The following PID1 variants were observed in gnomAD, a reference collection of about 807,000 sequenced individuals.
The protein encoded by PID1 is PTB-containing, cubilin and LRP1-interacting protein.
Under a neutral mutation model 19.1 loss-of-function variants are expected in PID1, and 10 were observed. That is an observed-to-expected ratio of 0.52 (90% CI 0.32 to 0.89). PID1 has a LOEUF of 0.89. PID1 is among the 40% of genes least tolerant of loss of function. The probability of loss-of-function intolerance (pLI) is 0.03; values close to 1 mark genes in which losing one functional copy is unlikely to be tolerated. For missense variants in PID1, 248 were observed against 285.3 expected, an observed-to-expected ratio of 0.87 and a Z score of 0.94; for synonymous variants, 130 against 116.0, an observed-to-expected ratio of 1.12 and a Z score of -0.78.
intron 1 of PID1, among the ~76,000 whole-genome samples, chr2:229,248,631 T>C (rs1690064193): frequency 6.6e-6 from 1 of 152,246 alleles, no homozygotes; most frequent in South Asian, 2.1e-4. Context: ...GGTGATTTTC[T>C]AACTCCATCA....
intron 2 of PID1, among the ~76,000 whole-genome samples, chr2:229,101,203 T>C (rs144274926): frequency 6.6e-6 from 1 of 152,172 alleles, no homozygotes; most frequent in East Asian, 1.9e-4. Context: ...TAGAGAGAAT[T>C]TTCATTTCCA....
chr2:229,128,362 A>G (rs570785627), intron 2 of PID1, among the ~76,000 whole-genome samples: 1 of 152,358 alleles, frequency 6.6e-6, no homozygotes, highest in Non-Finnish European at 1.5e-5. Context: ...TCTCCCTCCA[A>G]CTAGCTGTTG....
chr2:229,135,163 T>A (rs747062637), intron 2 of PID1, among the ~76,000 whole-genome samples: 2 of 150,418 alleles, frequency 1.3e-5, no homozygotes, highest in African/African-American at 4.9e-5. Flanking sequence ...AATCTAGAAA[T>A]GAACTTGACT....
chr2:229,136,156 G>A (rs891711985), intron 2 of PID1, among the ~76,000 whole-genome samples: 5 of 152,160 alleles, frequency 3.3e-5, no homozygotes, highest in Non-Finnish European at 5.9e-5. Flanking sequence ...GGCTTTTGTG[G>A]TAAGGAACTG....
chr2:229,115,994 G>A (rs1177860243), intron 2 of PID1, among the ~76,000 whole-genome samples: 2 of 152,058 alleles, frequency 1.3e-5, no homozygotes, highest in African/African-American at 4.8e-5. Flanking sequence ...GCCGAAGTGG[G>A]CAGATCACGA....
At chr2:229,094,257 G>A (rs1001384291) in intron 2 of PID1, among the ~76,000 whole-genome samples, 3 of 151,994 alleles carry the variant, frequency 2.0e-5, no homozygotes, top group Non-Finnish European at 4.4e-5. Flanking sequence ...ATCTCTAAGA[G>A]AATTACAAAA....
At chr2:229,202,362 T>C (rs572340637) in intron 1 of PID1, among the ~76,000 whole-genome samples, 4 of 152,218 alleles carry the variant, frequency 2.6e-5, no homozygotes, top group Non-Finnish European at 5.9e-5. Flanking sequence ...AGAATTTTTC[T>C]TGGAATTCAA....
intron 1 of PID1, among the ~76,000 whole-genome samples, chr2:229,224,705 A>G (rs992117562): frequency 9.2e-5 from 14 of 152,162 alleles, no homozygotes; most frequent in African/African-American, 1.4e-4. Context: ...CCACCAGAAT[A>G]TCTACATAAA....
intron 1 of PID1, among the ~76,000 whole-genome samples, chr2:229,204,895 T>A (rs1280821238): frequency 6.6e-6 from 1 of 152,156 alleles, no homozygotes; most frequent in Non-Finnish European, 1.5e-5. Context: ...CTAGGTCAGA[T>A]TTATGGTGTG....
chr2:229,256,492 T>C (rs1361834146), intron 1 of PID1, among the ~76,000 whole-genome samples: 2 of 152,198 alleles, frequency 1.3e-5, no homozygotes, highest in Admixed American at 6.5e-5. Flanking sequence ...GCTAAAGCTG[T>C]CTTCTTCCTT....
rs777061648 is a variant in PID1, at chr2:229,025,886, C to T, written c.400G>A (p.Ala134Thr). ...ACGTTGTGGTCGGCGGTGCAGTAGG[C>T]GATGCGGGCCACCTGGAAGGTATCC... The part of the protein sequence containing the change: ...HMDTFQVARI[A>T]YCTADHNVSP... Residue 134 changes from alanine (A) to threonine (T), a missense_variant, in exon 3 of 3, where the codon GCC (alanine) becomes ACC (threonine). Transcript: ENST00000392055. 10 of 1,614,092 alleles carry T rather than the reference C, an allele frequency of 6.2e-6. No homozygotes were observed. In the East Asian group the frequency reaches 6.7e-5, roughly 11 times the overall value.
chr2:229,211,461 T>G (rs954647777), intron 1 of PID1, among the ~76,000 whole-genome samples: 10 of 152,186 alleles, frequency 6.6e-5, no homozygotes, highest in African/African-American at 2.2e-4. Context: ...CTTGTGGTTT[T>G]CTTAAACAGA....
chr2:229,096,706 G>A (rs1694977060), intron 2 of PID1, among the ~76,000 whole-genome samples: 1 of 152,172 alleles, frequency 6.6e-6, no homozygotes, highest in African/African-American at 2.4e-5. Flanking sequence ...AGAGCTTTCA[G>A]AAATTCAAGA....
chr2:229,058,627 A>G lies in PID1; in HGVS notation c.178-32519T>C, dbSNP rs534820711. 3.3e-5 allele frequency among the ~76,000 whole-genome samples: 5 copies of G among 152,110 alleles called. No homozygotes were observed. In the South Asian group the frequency reaches 6.2e-4, roughly 19 times the overall value. ...CAGCATCTCATTTTTATTCAACCTC[A>G]GCGTCATTGCACTTTCAAAGAAACT... On this transcript the variant is annotated intron_variant, in intron 2 of 2. Coordinates refer to ENST00000392055, the MANE Select transcript of PID1 (RefSeq NM_001100818.2).
chr2:229,154,643 C>T (rs1483685965), intron 2 of PID1, among the ~76,000 whole-genome samples: 3 of 152,112 alleles, frequency 2.0e-5, no homozygotes, highest in Non-Finnish European at 4.4e-5. Flanking sequence ...CCAACCTGAC[C>T]ACAGCTATGC....
chr2:229,071,692 A>G (rs1694457627), intron 2 of PID1, among the ~76,000 whole-genome samples: 2 of 152,232 alleles, frequency 1.3e-5, no homozygotes, highest in Non-Finnish European at 2.9e-5. Context: ...TTGAAATAAT[A>G]TAGTTAGAAG....
chr2:229,191,112 C>T (rs546916376), intron 1 of PID1, among the ~76,000 whole-genome samples: 42 of 152,192 alleles, frequency 2.8e-4, no homozygotes, highest in African/African-American at 9.6e-4. Flanking sequence ...GAAATTTGGG[C>T]CACATAATTC....
chr2:229,051,840 C>T (rs1279804387), intron 2 of PID1, among the ~76,000 whole-genome samples: 1 of 152,176 alleles, frequency 6.6e-6, no homozygotes, highest in African/African-American at 2.4e-5. Context: ...TTCTCTTTCT[C>T]CCTGCCTTGT....
intron 1 of PID1, among the ~76,000 whole-genome samples, chr2:229,186,627 G>A (rs552951851): frequency 1.2e-4 from 18 of 152,280 alleles, no homozygotes; most frequent in Non-Finnish European, 2.4e-4. Context: ...ACAGCACAGT[G>A]ACCCTGGGCC....
Sources: allele counts gnomAD v4.1 joint callset (sites outside exome capture counted in the v4.1 genomes callset), GRCh38; gene constraint gnomAD v4.1.1; transcripts MANE v1.5; gene names NCBI Gene and HGNC (gene_info 2026-07-23, HGNC 2026-07-21).